The following STMN1 variants were observed in gnomAD, a reference collection of about 807,000 sequenced individuals.
STMN1 encodes the protein stathmin 1.
Under a neutral mutation model 19.7 loss-of-function variants are expected in STMN1, and 3 were observed. The observed-to-expected ratio is 0.15, with a 90% CI of 0.07 to 0.39. STMN1 has a LOEUF of 0.39. STMN1 is among the 10% of genes least tolerant of loss of function. The pLI, the probability that STMN1 is intolerant of heterozygous loss-of-function variation, is 1.00. For missense variants in STMN1, 99 were observed against 176.0 expected (o/e 0.56, Z 2.48); for synonymous variants, 59 against 58.9 (o/e 1.00, Z -0.01).
At chr1:25,896,694 A>C (rs2048820571), downstream of STMN1, among the ~76,000 whole-genome samples, 1 of 152,124 alleles carries the variant, frequency 6.6e-6, no homozygotes, top group African/African-American at 2.4e-5. Flanking sequence ...AAGTTTTAAA[A>C]ATCTAAGTGC....
At chr1:25,898,650 G>T (rs569547606), downstream of STMN1, among the ~76,000 whole-genome samples, 2 of 152,338 alleles carry the variant, frequency 1.3e-5, no homozygotes, top group East Asian at 3.9e-4. Flanking sequence ...CCTCAGGAAG[G>T]GACAAGCCTC....
In STMN1 at chr1:25,906,176, C is replaced by G. The variant is rs933479107; in HGVS notation, c.-63+213G>C. The G allele has an allele frequency of 2.0e-5, 3 of 152,246 alleles. No homozygotes were observed. The highest frequency in any genetic ancestry group is 7.2e-5 in the African/African-American group (3 of 41,428). The allele number at this position is 152,246 out of a possible 1,614,324, so 9.4% of individuals were successfully genotyped here. A position where few individuals can be genotyped will look rare whatever the true frequency, so the allele number is the denominator to read the frequency against. ...GATCGCCCAGCCCCCTGCCCACGAA[C>G]AGCCGCGCCCCCGGAGAGCGGGGAC... On this transcript the variant is annotated intron_variant, in intron 1 of 4. Coordinates refer to ENST00000455785, the MANE Select transcript of STMN1 (RefSeq NM_005563.4). This position sits in a 1 kb window ranked among gnomAD's most constrained non-coding sequence, Gnocchi z 4.5.
At chr1:25,888,985 A>G in intron 4 of STMN1, 1 of 477,708 alleles carries the variant, frequency 2.1e-6, no homozygotes, top group Non-Finnish European at 4.2e-6. Context: ...TTCTCACAAG[A>G]CTTCCTGGTC....
In STMN1 at chr1:25,901,881, G is replaced by A. The variant is rs2124250986; in HGVS notation, c.187-199C>T. On this transcript the variant is annotated intron_variant, in intron 3 of 4. Transcript: ENST00000455785. ...AAAAATTAGCCGGGCGTGGTGGCGGGTGCCTGTAGTCTAAGTTACTTGGGA... is the reference window on the plus strand; with the variant it reads ...AAAAATTAGCCGGGCGTGGTGGCGGATGCCTGTAGTCTAAGTTACTTGGGA... 5 of 366,136 alleles carry A rather than the reference G, an allele frequency of 1.4e-5. No individual in the cohort carries two copies. The South Asian group carries it at 2.5e-4, about 18-fold the overall frequency. The allele number at this position is 366,136 out of a possible 1,614,324, so 22.7% of individuals were successfully genotyped here.
intron 1 of STMN1, 70 bp from the exon 2 acceptor site, chr1:25,904,808 C>A: frequency 8.3e-7 from 1 of 1,211,062 alleles, no homozygotes; most frequent in Non-Finnish European, 1.2e-6. Context: ...CCAAAAAAAT[C>A]TCACATCACA....
At chr1:25,900,110 C>A (rs895840319), downstream of STMN1, 164 of 985,762 alleles carry the variant, frequency 1.7e-4, no homozygotes, top group South Asian at 2.1e-3. Context: ...AGTCATTTCA[C>A]AGGAGTTGCT....
Position 25,901,133 on chromosome 1 carries a change from A to AG in STMN1, c.379-47_379-46insC, listed in dbSNP as rs780432659. 8.9e-6 allele frequency: 14 copies of AG among 1,578,494 alleles called. No homozygotes were observed. In the East Asian group the frequency reaches 3.1e-4, roughly 35 times the overall value. Reference sequence around the variant, plus strand: ...GTCATCAGTCAAAAAAAAAAAAAAAAAAAAAAGCCTGTCAAGTCACGACCC... The same window carrying AG: ...GTCATCAGTCAAAAAAAAAAAAAAAAGAAAAAAGCCTGTCAAGTCACGACCC... On this transcript the variant is annotated intron_variant, in intron 4 of 4. Transcript: ENST00000455785.
intron 4 of STMN1, among the ~76,000 whole-genome samples, chr1:25,892,290 G>A (rs1258576997): frequency 1.3e-5 from 2 of 152,062 alleles, no homozygotes; most frequent in African/African-American, 4.8e-5. Context: ...TTGGGAGGCT[G>A]AGGCAGAAGA....
intron 4 of STMN1, among the ~76,000 whole-genome samples, chr1:25,893,535 C>T (rs1010526592): frequency 6.6e-6 from 1 of 152,078 alleles, no homozygotes; most frequent in Admixed American, 6.6e-5. Flanking sequence ...TGTTGATGTA[C>T]AGTGGTTTTT....
intron 4 of STMN1, among the ~76,000 whole-genome samples, chr1:25,890,717 C>T (rs889577617): frequency 7.9e-5 from 12 of 152,132 alleles, no homozygotes; most frequent in African/African-American, 2.7e-4. Context: ...TCATTTCATC[C>T]GTAGGTCGGC....
intron 4 of STMN1, among the ~76,000 whole-genome samples, chr1:25,895,030 T>C (rs2048806261): frequency 6.6e-6 from 1 of 151,438 alleles, no homozygotes; most frequent in Non-Finnish European, 1.5e-5. Flanking sequence ...GTACAGTACA[T>C]CTCTGGAAGG....
chr1:25,896,085 G>A (rs1015223445), downstream of STMN1, among the ~76,000 whole-genome samples: 1 of 152,188 alleles, frequency 6.6e-6, no homozygotes, highest in African/African-American at 2.4e-5. Flanking sequence ...TTGAATTAAT[G>A]AGTAACACTT....
chr1:25,900,067 A>G (rs2048853646), downstream of STMN1: 1 of 985,206 alleles, frequency 1.0e-6, no homozygotes, highest in Admixed American at 6.2e-5. Context: ...ACCCGAGTCA[A>G]ATGCTACTTT....
chr1:25,889,461 T>C (rs1405713419), intron 4 of STMN1, among the ~76,000 whole-genome samples: 1 of 147,026 alleles, frequency 6.8e-6, no homozygotes, highest in African/African-American at 2.5e-5. Context: ...TTCTCCAGGC[T>C]TGTTTGAGTA....
intron 1 of STMN1, chr1:25,905,589 T>C (rs1448577598): frequency 6.6e-6 from 1 of 152,046 alleles, no homozygotes; most frequent in South Asian, 2.1e-4. Context: ...CCGCGCCTTT[T>C]CGAATCTCCC....
chr1:25,904,637 T>A (rs2048916442), intron 2 of STMN1, 27 bp downstream of exon 2: 1 of 1,606,978 alleles, frequency 6.2e-7, no homozygotes, highest in Admixed American at 1.7e-5. Flanking sequence ...CCATTACAAT[T>A]TCAGATTTTC....
chr1:25,901,146 C>G, intron 4 of STMN1, 59 bp from the exon 5 acceptor site: 1 of 1,540,886 alleles, frequency 6.5e-7, no homozygotes, highest in Non-Finnish European at 8.7e-7. Flanking sequence ...AAAAGCCTGT[C>G]AAGTCACGAC....
downstream of STMN1, among the ~76,000 whole-genome samples, chr1:25,898,682 G>T (rs998307662): frequency 1.3e-5 from 2 of 152,198 alleles, no homozygotes; most frequent in Non-Finnish European, 1.5e-5. Flanking sequence ...AAGACAAAAG[G>T]AATGGAGTCT....
At chr1:25,906,869 A>G (rs1269960478), upstream of STMN1, 1 of 152,460 alleles carries the variant, frequency 6.6e-6, no homozygotes, top group Non-Finnish European at 1.5e-5. The surrounding 1 kb of genome is among the most constrained non-coding windows in gnomAD (Gnocchi z 4.5). Flanking sequence ...CGGACAGAGC[A>G]GTGCCCCTTC....
Sources: allele counts gnomAD v4.1 joint callset (sites outside exome capture counted in the v4.1 genomes callset), GRCh38; gene constraint gnomAD v4.1.1; non-coding constraint Gnocchi (gnomAD v3.1); transcripts MANE v1.5; gene names NCBI Gene and HGNC (gene_info 2026-07-23, HGNC 2026-07-21).